G6PC1: variants seen among roughly 807,000 people sequenced by gnomAD.
The protein encoded by G6PC1 is G-6-Pase.
A neutral mutation model predicts 30.4 loss-of-function variants in G6PC1; 23 were observed. That is an observed-to-expected ratio of 0.76 (90% CI 0.55 to 1.07). The LOEUF is 1.07. Ranked by LOEUF, G6PC1 falls within the 50% of genes least tolerant of loss-of-function variation. G6PC1 has a pLI of 0.00. For missense variants in G6PC1, 391 were observed against 433.9 expected (o/e 0.90, Z 0.88); for synonymous variants, 163 against 175.6 (o/e 0.93, Z 0.57).
chr17:42,909,457 C>A, intron 4 of G6PC1, 39 bp downstream of exon 4: 6 of 1,465,856 alleles, frequency 4.1e-6, no homozygotes, highest in Non-Finnish European at 5.7e-6. Context: ...TCCCCCAAAC[C>A]CCATTCCGTT....
At chr17:42,909,508 A>C in intron 4 of G6PC1, 90 bp downstream of exon 4, 1 of 927,288 alleles carries the variant, frequency 1.1e-6, no homozygotes, top group Non-Finnish European at 1.8e-6. Context: ...TTCCAGCCAC[A>C]TCCTGTGTGT....
rs1185147855 is a variant in G6PC1, at chr17:42,900,970, T to C, written c.94T>C (p.Leu32=). 1.9e-6 allele frequency: 3 copies of C among 1,614,206 alleles called. No homozygotes were observed. Among genetic ancestry groups the C allele is most frequent in the South Asian group, 2.2e-5 (2 of 91,084 alleles). The change falls in exon 1 of 5, where the codon TTG becomes CTG. Residue 32 remains leucine, a synonymous_variant. Coordinates refer to ENST00000253801, the MANE Select transcript of G6PC1 (RefSeq NM_000151.4). ...CCAAGACTCCCAGGACTGGTTCATC[T>C]TGGTGTCCGTGATCGCAGACCTCAG... is the stretch of plus-strand genomic sequence containing the variant. ...NYQDSQDWFI[L]VSVIADLRNA... is the part of the protein sequence containing the mutation.
At chr17:42,904,361 A>C in intron 2 of G6PC1, 1 of 386,096 alleles carries the variant, frequency 2.6e-6, no homozygotes. Flanking sequence ...GTCCTTCCCA[A>C]TGGCCTGGCC....
intron 3 of G6PC1, 86 bp downstream of exon 3, chr17:42,907,714 T>TC: frequency 1.1e-6 from 1 of 924,414 alleles, no homozygotes; most frequent in Admixed American, 1.9e-5. Context: ...CTTCCTCACA[T>TC]CCCCCTAGCC....
intron 1 of G6PC1, among the ~76,000 whole-genome samples, chr17:42,903,550 C>G (rs1221562389): frequency 6.6e-6 from 1 of 151,622 alleles, no homozygotes; most frequent in Non-Finnish European, 1.5e-5. Flanking sequence ...CCCGTCTCTA[C>G]TAAAAATACA....
intron 1 of G6PC1, 103 bp from the exon 2 acceptor site, chr17:42,903,828 C>T: frequency 1.2e-6 from 1 of 804,940 alleles, no homozygotes. Context: ...CTTCTAGAGG[C>T]AACATGTGAA....
chr17:42,909,236 C>A, intron 3 of G6PC1, 67 bp from the exon 4 acceptor site: 1 of 1,162,576 alleles, frequency 8.6e-7, no homozygotes, highest in Non-Finnish European at 1.3e-6. Flanking sequence ...AACATTTCTG[C>A]AGGGGCTGTT....
intron 3 of G6PC1, among the ~76,000 whole-genome samples, chr17:42,907,951 C>T (rs2056072188): frequency 6.6e-6 from 1 of 152,192 alleles, no homozygotes; most frequent in Non-Finnish European, 1.5e-5. Context: ...ACAGAGTCAC[C>T]CATCCAGGTT....
At chr17:42,902,723 C>T (rs2056034154) in intron 1 of G6PC1, among the ~76,000 whole-genome samples, 1 of 152,136 alleles carries the variant, frequency 6.6e-6, no homozygotes, top group African/African-American at 2.4e-5. Flanking sequence ...TGGCGGTTGA[C>T]ACCTATTTCC....
intron 3 of G6PC1, among the ~76,000 whole-genome samples, chr17:42,908,844 C>T (rs1462791361): frequency 1.3e-5 from 2 of 151,494 alleles, no homozygotes; most frequent in South Asian, 2.1e-4. Flanking sequence ...GCTGGGATTA[C>T]AGGCGTGAGC....
intron 2 of G6PC1, among the ~76,000 whole-genome samples, chr17:42,906,613 C>T (rs2056063554): frequency 6.6e-6 from 1 of 152,260 alleles, no homozygotes; most frequent in Middle Eastern, 3.4e-3. Context: ...CATGGTGGCT[C>T]ACACCTATAA....
intron 4 of G6PC1, 87 bp downstream of exon 4, chr17:42,909,505 C>G: frequency 1.0e-6 from 1 of 961,984 alleles, no homozygotes; most frequent in Non-Finnish European, 1.7e-6. Context: ...GCATTCCAGC[C>G]ACATCCTGTG....
rs1339454498 is a variant in G6PC1, at chr17:42,913,351, T to C, written c.*1925T>C. The C allele has an allele frequency of 6.6e-6, 1 of 152,252 alleles. No individual in the cohort carries two copies. Among genetic ancestry groups the C allele is most frequent in the African/African-American group, 2.4e-5 (1 of 41,458 alleles). The allele number at this position is 152,252 out of a possible 1,614,324, so 9.4% of individuals were successfully genotyped here. A position where few individuals can be genotyped will look rare whatever the true frequency, so the allele number is the denominator to read the frequency against. On this transcript the variant is annotated 3_prime_UTR_variant, in exon 5 of 5. Coordinates refer to ENST00000253801, the MANE Select transcript of G6PC1 (RefSeq NM_000151.4). ...GAATAAAGTCTTGTTAATTACTATA[T>C]TTTAGATGCAATGTGATCTGAAGTT...
chr17:42,905,132 A>G (rs2056050577), intron 2 of G6PC1, among the ~76,000 whole-genome samples: 2 of 150,220 alleles, frequency 1.3e-5, no homozygotes, highest in Admixed American at 1.3e-4. Flanking sequence ...TAAACTATTA[A>G]TATGTAGGAT....
At chr17:42,909,442 C>T (rs1455449526) in intron 4 of G6PC1, 24 bp downstream of exon 4, 2 of 1,538,784 alleles carry the variant, frequency 1.3e-6, no homozygotes, top group East Asian at 2.2e-5. Flanking sequence ...TGACTCCCTT[C>T]CTTCTCCCCC....
chr17:42,908,877 A>G (rs998450602), intron 3 of G6PC1, among the ~76,000 whole-genome samples: 1 of 146,052 alleles, frequency 6.8e-6, no homozygotes, highest in Non-Finnish European at 1.5e-5. Context: ...CTAATTTTGT[A>G]ATTTTTTTTT....
intron 4 of G6PC1, 147 bp downstream of exon 4, chr17:42,909,565 A>G: frequency 1.4e-6 from 1 of 725,398 alleles, no homozygotes; most frequent in African/African-American, 1.7e-5. Context: ...AAGAATGAGC[A>G]ACTTGAAATG....
At chr17:42,909,198 C>G in intron 3 of G6PC1, 105 bp from the exon 4 acceptor site, 5 of 875,852 alleles carry the variant, frequency 5.7e-6, no homozygotes, top group Non-Finnish European at 7.9e-6. Context: ...AAAAATTCCA[C>G]TGAGAGCACC....
In G6PC1 at chr17:42,913,138, G is replaced by A. The variant is rs938988165; in HGVS notation, c.*1712G>A. The A allele has an allele frequency of 1.3e-5, 2 of 151,956 alleles. No homozygotes were observed. The highest frequency in any genetic ancestry group is 4.8e-5 in the African/African-American group (2 of 41,378). The allele number at this position is 151,956 out of a possible 1,614,324, so 9.4% of individuals were successfully genotyped here. On this transcript the variant is annotated 3_prime_UTR_variant, in exon 5 of 5. Transcript: ENST00000253801. ...GTTTTTCAATCTCATCTGATATGCA[G>A]AGTATTTCTGCCCCACCCACCTACC...
Sources: gnomAD v4.1 joint callset for allele counts (sites outside exome capture counted in the v4.1 genomes callset) on GRCh38, gnomAD v4.1.1 for gene constraint, MANE v1.5 for transcripts, NCBI Gene and HGNC (gene_info 2026-07-23, HGNC 2026-07-21) for gene names.